IGFBP4: variants seen among roughly 807,000 people sequenced by gnomAD.
The protein encoded by IGFBP4 is insulin like growth factor binding protein 4.
Under a neutral mutation model 25.8 loss-of-function variants are expected in IGFBP4, and 9 were observed. That is an observed-to-expected ratio of 0.35 (90% CI 0.21 to 0.61). The LOEUF is 0.61. IGFBP4 is among the 20% of genes least tolerant of loss of function. IGFBP4 has a pLI of 0.77. For missense variants in IGFBP4, 315 were observed against 365.3 expected, an observed-to-expected ratio of 0.86 and a Z score of 1.12; for synonymous variants, 153 against 153.9, an observed-to-expected ratio of 0.99 and a Z score of 0.05.
At chr17:40,454,572 G>T (rs2035704526) in intron 3 of IGFBP4, among the ~76,000 whole-genome samples, 1 of 152,206 alleles carries the variant, frequency 6.6e-6, no homozygotes, top group Non-Finnish European at 1.5e-5. Context: ...CAAGAGTGAA[G>T]GTAAAACCAG....
chr17:40,446,335 G>C (rs2035645535), intron 1 of IGFBP4, among the ~76,000 whole-genome samples: 1 of 146,046 alleles, frequency 6.8e-6, no homozygotes, highest in Non-Finnish European at 1.5e-5. Flanking sequence ...AAAAAAGTAG[G>C]CCGGGTGCAG....
intron 1 of IGFBP4, among the ~76,000 whole-genome samples, chr17:40,447,814 A>C (rs766342166): frequency 2.0e-5 from 3 of 152,088 alleles, no homozygotes; most frequent in Non-Finnish European, 2.9e-5. Context: ...AATAAATTGA[A>C]GTGATGAGGA....
intron 3 of IGFBP4, 35 bp from the exon 4 acceptor site, chr17:40,456,414 G>T (rs369713139): frequency 3.7e-6 from 6 of 1,613,128 alleles, no homozygotes; most frequent in Admixed American, 1.7e-5. Flanking sequence ...CTTTTCCTGC[G>T]TCGGAACTGA....
chr17:40,447,574 G>C (rs2035656362), intron 1 of IGFBP4, among the ~76,000 whole-genome samples: 2 of 152,178 alleles, frequency 1.3e-5, no homozygotes, highest in South Asian at 2.1e-4. Flanking sequence ...TTGTGGGGAG[G>C]GGGAGGGAGG....
intron 1 of IGFBP4, 36 bp downstream of exon 1, chr17:40,444,120 T>G (rs976329881): frequency 1.2e-5 from 18 of 1,458,748 alleles, no homozygotes; most frequent in African/African-American, 4.2e-5. Context: ...CCCTCCTGAG[T>G]GCGCTCCCTT....
rs986365289 is a variant in IGFBP4, at chr17:40,444,165, A to G, written c.349+81A>G. ...TTCTTCCCCATTCCAGCCGCCCTGG[A>G]AGGCCCTTAAAAATCCCCTATGAGT... On this transcript the variant is annotated intron_variant, in intron 1 of 3. Coordinates refer to ENST00000269593, the MANE Select transcript of IGFBP4 (RefSeq NM_001552.3). 6.3e-6 allele frequency: 7 copies of G among 1,112,420 alleles called. No homozygotes were observed. The African/African-American group carries it at 9.4e-5, about 15-fold the overall frequency. The allele number at this position is 1,112,420 out of a possible 1,614,324, so 68.9% of individuals were successfully genotyped here. A position where few individuals can be genotyped will look rare whatever the true frequency, so the allele number is the denominator to read the frequency against.
At position 40,453,491 on chromosome 17, in the gene IGFBP4, C is replaced by A. The variant is rs1408349978; in HGVS notation, c.507+349C>A. 6.6e-6 allele frequency among the ~76,000 whole-genome samples: 1 copy of A among 152,140 alleles called. No individual in the cohort carries two copies. The highest frequency in any genetic ancestry group is 1.5e-5 in the Non-Finnish European group (1 of 68,008). ...CTTGGCCTTTTTTGGATTCCCCACC[C>A]CAGACCTTCTCAGTAACCAAAGGGT... On this transcript the variant is annotated intron_variant, in intron 2 of 3. Transcript: ENST00000269593. The surrounding 1 kb of genome is among the most constrained non-coding windows in gnomAD (Gnocchi z 4.0).
chr17:40,445,954 C>T (rs2143735674), intron 1 of IGFBP4, among the ~76,000 whole-genome samples: 1 of 152,180 alleles, frequency 6.6e-6, no homozygotes, highest in East Asian at 1.9e-4. Flanking sequence ...ATACTCCATC[C>T]TGTAGTGGAG....
chr17:40,446,667 G>A (rs2035647918), intron 1 of IGFBP4, among the ~76,000 whole-genome samples: 1 of 152,114 alleles, frequency 6.6e-6, no homozygotes, highest in South Asian at 2.1e-4. Context: ...TCTTGGAATG[G>A]GGTGGCTTTA....
intron 1 of IGFBP4, among the ~76,000 whole-genome samples, chr17:40,449,748 C>CAA (rs569072173): frequency 4.2e-5 from 4 of 95,456 alleles, no homozygotes; most frequent in African/African-American, 4.0e-5. Flanking sequence ...GACTCCGTCT[C>CAA]AAAAAAAAAA....
At chr17:40,444,528 C>T (rs1220922141) in intron 1 of IGFBP4, among the ~76,000 whole-genome samples, 1 of 152,056 alleles carries the variant, frequency 6.6e-6, no homozygotes, top group Non-Finnish European at 1.5e-5. Context: ...GTCTGGGGAG[C>T]CAGGGCCTGA....
intron 1 of IGFBP4, among the ~76,000 whole-genome samples, chr17:40,445,684 G>A (rs1279672495): frequency 6.6e-6 from 1 of 152,182 alleles, no homozygotes; most frequent in Non-Finnish European, 1.5e-5. Context: ...GGAGAAAGTC[G>A]CTAATCTTGG....
intron 1 of IGFBP4, among the ~76,000 whole-genome samples, chr17:40,449,968 C>G (rs1439511016): frequency 2.0e-5 from 3 of 152,174 alleles, no homozygotes; most frequent in African/African-American, 7.2e-5. Flanking sequence ...GAATATTCTA[C>G]CCATTTACTG....
chr17:40,450,414 C>T (rs1164116614), intron 1 of IGFBP4, among the ~76,000 whole-genome samples: 1 of 152,230 alleles, frequency 6.6e-6, no homozygotes, highest in Admixed American at 6.5e-5. Context: ...CAAACAAGTC[C>T]AGGTGATCTC....
Position 40,453,853 on chromosome 17 carries a change from C to A in IGFBP4, c.508-75C>A. The A allele has an allele frequency of 8.3e-7, 1 of 1,202,630 alleles. No individual in the cohort carries two copies. The highest frequency in any genetic ancestry group is 1.2e-6 in the Non-Finnish European group (1 of 855,146). 74.5% of individuals were successfully genotyped at this position (1,202,630 alleles called of 1,614,324 possible). A position where few individuals can be genotyped will look rare whatever the true frequency, so the allele number is the denominator to read the frequency against. On this transcript the variant is annotated intron_variant, in intron 2 of 3. Coordinates refer to ENST00000269593, the MANE Select transcript of IGFBP4 (RefSeq NM_001552.3). This position sits in a 1 kb window ranked among gnomAD's most constrained non-coding sequence, Gnocchi z 4.0. ...CTCCTTTCGGGGCCTTCAGTTCTCA[C>A]TTAGCTCTGACCCCAGGCCTGGGCC...
intron 3 of IGFBP4, 36 bp from the exon 4 acceptor site, chr17:40,456,413 C>A (rs561034669): frequency 1.2e-6 from 2 of 1,612,668 alleles, no homozygotes; most frequent in Non-Finnish European, 1.7e-6. Context: ...TCTTTTCCTG[C>A]GTCGGAACTG....
At chr17:40,450,880 C>T (rs1162206362) in intron 1 of IGFBP4, among the ~76,000 whole-genome samples, 1 of 152,150 alleles carries the variant, frequency 6.6e-6, no homozygotes. Flanking sequence ...TTCCAGCTTA[C>T]ACCCCTGAAA....
chr17:40,450,319 G>A (rs966513463), intron 1 of IGFBP4, among the ~76,000 whole-genome samples: 1 of 151,856 alleles, frequency 6.6e-6, no homozygotes, highest in African/African-American at 2.4e-5. Flanking sequence ...TTCTTTTATG[G>A]TCATTAAAAG....
rs777313226 is a variant in IGFBP4 at position 40,443,857 on chromosome 17, C to A, written c.122C>A (p.Pro41His). ...GAGAAGCTGGCGCGCTGCCGCCCCCCCGTGGGCTGCGAGGAGCTGGTGCGA... is the reference window on the plus strand; with the variant it reads ...GAGAAGCTGGCGCGCTGCCGCCCCCACGTGGGCTGCGAGGAGCTGGTGCGA... ...SEEKLARCRPPVGCEELVREP... is the reference protein window; with the variant it reads ...SEEKLARCRPHVGCEELVREP... The change falls in exon 1 of 4, where the codon CCC becomes CAC. Residue 41 changes from proline (P) to histidine (H), a missense_variant. Coordinates refer to ENST00000269593, the MANE Select transcript of IGFBP4 (RefSeq NM_001552.3). 10 of 1,531,760 alleles carry A rather than the reference C, an allele frequency of 6.5e-6. No individual in the cohort carries two copies. Among genetic ancestry groups the A allele is most frequent in the Non-Finnish European group, 7.9e-6 (9 of 1,145,270 alleles). The allele number at this position is 1,531,760 out of a possible 1,614,324, so 94.9% of individuals were successfully genotyped here.
Sources: allele counts gnomAD v4.1 joint callset (sites outside exome capture counted in the v4.1 genomes callset), GRCh38; gene constraint gnomAD v4.1.1; non-coding constraint Gnocchi (gnomAD v3.1); transcripts MANE v1.5; gene names NCBI Gene and HGNC (gene_info 2026-07-23, HGNC 2026-07-21).